Variants in ANAPC10 observed in about 807,000 individuals in gnomAD.
ANAPC10 encodes anaphase-promoting complex subunit 10.
A neutral mutation model predicts 22.0 loss-of-function variants in ANAPC10; 12 were observed. The ratio of observed to expected loss-of-function variants is 0.55; its 90% confidence interval spans 0.35 to 0.88. ANAPC10 has a LOEUF of 0.88. ANAPC10 is among the 40% of genes least tolerant of loss of function. The pLI, the probability that ANAPC10 is intolerant of heterozygous loss-of-function variation, is 0.01. For missense variants in ANAPC10, 188 were observed against 220.9 expected, an observed-to-expected ratio of 0.85 and a Z score of 0.94; for synonymous variants, 65 against 69.5, an observed-to-expected ratio of 0.94 and a Z score of 0.32.
rs2126674766 is a variant in ANAPC10, at chr4:145,095,967, T to C, written c.115+18A>G. The C allele has an allele frequency of 6.2e-7, 1 of 1,614,006 alleles. No homozygotes were observed. The highest frequency in any genetic ancestry group is 2.2e-5 in the East Asian group (1 of 44,884). On this transcript the variant is annotated intron_variant, in intron 2 of 4. Transcript: ENST00000507656. The stretch of plus-strand genomic sequence containing the variant: ...CAAGTGACTATTTCCAACAGCTTTT[T>C]TGTTTGTTAGTTTTTACCTGGTTTG...
At position 145,016,952 on chromosome 4, in the gene ANAPC10, C is replaced by G. The variant is rs1327314039; in HGVS notation, c.328-21349G>C. Among the ~76,000 whole-genome samples, 8 of 152,272 alleles carry G rather than the reference C, an allele frequency of 5.3e-5. No homozygotes were observed. The East Asian group carries it at 1.5e-3, about 29-fold the overall frequency. On this transcript the variant is annotated intron_variant, in intron 4 of 4. Transcript: ENST00000507656. ...GCTGAAACTGGATCCCTTCCTTACA[C>G]CTTACACAAAAATTAATTCAAGATG...
chr4:145,092,602 G>C (rs1747852621), intron 2 of ANAPC10, among the ~76,000 whole-genome samples: 1 of 152,114 alleles, frequency 6.6e-6, no homozygotes, highest in African/African-American at 2.4e-5. Flanking sequence ...CAAAACACAA[G>C]GTGAATTCAC....
intron 4 of ANAPC10, among the ~76,000 whole-genome samples, chr4:144,997,094 G>T (rs1027089428): frequency 6.6e-6 from 1 of 152,192 alleles, no homozygotes; most frequent in Non-Finnish European, 1.5e-5. Flanking sequence ...TATGTGAAAA[G>T]ACCAAATCTA....
At position 144,995,381 on chromosome 4, in the gene ANAPC10, T is replaced by A; in HGVS notation, c.550A>T (p.Ile184Leu). Residue 184 changes from isoleucine to leucine, a missense_variant, in exon 5 of 5, where the codon ATA becomes TTA. Physicochemically the swap from Ile to Leu is conservative, Grantham distance 5. Transcript: ENST00000507656. ...TTCGTCTCATTTTAAAGTCACCTTA[T>A]TGAACGATACATCATGAAATCTATA... is the stretch of plus-strand genomic sequence containing the variant. ...TTIDFMMYRS[I>L]R The A allele has an allele frequency of 1.2e-6, 2 of 1,604,476 alleles. No homozygotes were observed. The highest frequency in any genetic ancestry group is 1.7e-6 in the Non-Finnish European group (2 of 1,173,016).
chr4:145,050,082 T>C (rs544795322), intron 4 of ANAPC10, among the ~76,000 whole-genome samples: 1 of 152,226 alleles, frequency 6.6e-6, no homozygotes, highest in Non-Finnish European at 1.5e-5. Context: ...TCAATTTGCT[T>C]TGCCTAGATC....
intron 4 of ANAPC10, among the ~76,000 whole-genome samples, chr4:145,044,176 T>C (rs984151674): frequency 5.3e-5 from 8 of 152,044 alleles, no homozygotes. Flanking sequence ...TGATGATACA[T>C]GTAAATGAAG....
chr4:145,061,814 C>A (rs894722247), intron 4 of ANAPC10, among the ~76,000 whole-genome samples: 5 of 151,946 alleles, frequency 3.3e-5, no homozygotes, highest in African/African-American at 9.7e-5. Context: ...GTCAATTGGT[C>A]CAAAAATAAG....
At chr4:145,045,395 A>G (rs1740152591) in intron 4 of ANAPC10, among the ~76,000 whole-genome samples, 1 of 152,094 alleles carries the variant, frequency 6.6e-6, no homozygotes, top group Non-Finnish European at 1.5e-5. Flanking sequence ...ATCTGAAACC[A>G]GATCTGTCTA....
At chr4:145,049,651 C>A (rs762616914) in intron 4 of ANAPC10, among the ~76,000 whole-genome samples, 4 of 152,110 alleles carry the variant, frequency 2.6e-5, no homozygotes, top group Non-Finnish European at 4.4e-5. Flanking sequence ...ATGATCATGG[C>A]TCACTGGAAC....
At chr4:145,060,540 A>G (rs1186075586) in intron 4 of ANAPC10, among the ~76,000 whole-genome samples, 1 of 152,068 alleles carries the variant, frequency 6.6e-6, no homozygotes, top group Non-Finnish European at 1.5e-5. Context: ...ATTACAAAAA[A>G]TAAGCATCTC....
intron 4 of ANAPC10, among the ~76,000 whole-genome samples, chr4:144,999,051 C>T (rs1732088769): frequency 6.6e-6 from 1 of 151,924 alleles, no homozygotes; most frequent in Admixed American, 6.6e-5. Context: ...ATACACCCAC[C>T]CAAGACTAAG....
intron 4 of ANAPC10, among the ~76,000 whole-genome samples, chr4:145,043,827 T>C (rs1292627158): frequency 6.6e-6 from 1 of 152,090 alleles, no homozygotes; most frequent in African/African-American, 2.4e-5. Context: ...CTAAAATGTT[T>C]CCAGATAAAA....
chr4:145,094,393 T>G (rs891033820), intron 2 of ANAPC10, among the ~76,000 whole-genome samples: 1 of 152,192 alleles, frequency 6.6e-6, no homozygotes, highest in Non-Finnish European at 1.5e-5. Context: ...TGTTATATAT[T>G]CGATTATAAT....
chr4:145,095,903 T>A, intron 2 of ANAPC10, 82 bp downstream of exon 2: 1 of 1,584,624 alleles, frequency 6.3e-7, no homozygotes, highest in Non-Finnish European at 8.7e-7. Flanking sequence ...CTGGAATGTA[T>A]CCCCTGGGAT....
chr4:145,095,909 G>A, intron 2 of ANAPC10, 76 bp downstream of exon 2: 4 of 1,574,272 alleles, frequency 2.5e-6, no homozygotes, highest in Non-Finnish European at 3.5e-6. Context: ...TGTATCCCCT[G>A]GGATAAGGGG....
chr4:144,999,961 T>C (rs368815187), intron 4 of ANAPC10, among the ~76,000 whole-genome samples: 3 of 152,110 alleles, frequency 2.0e-5, no homozygotes, highest in Non-Finnish European at 1.5e-5. Flanking sequence ...GAAAGGATTC[T>C]CTATTTAATA....
chr4:145,002,613 C>A (rs969263825), intron 4 of ANAPC10, among the ~76,000 whole-genome samples: 1 of 152,100 alleles, frequency 6.6e-6, no homozygotes, highest in African/African-American at 2.4e-5. Flanking sequence ...TACTCATCTG[C>A]ATGACAATTC....
intron 4 of ANAPC10, among the ~76,000 whole-genome samples, chr4:144,997,120 C>T (rs889128585): frequency 6.6e-6 from 1 of 152,152 alleles, no homozygotes; most frequent in African/African-American, 2.4e-5. Context: ...GATTGGTATA[C>T]CTGAAAGTGA....
At chr4:145,080,640 G>A (rs902918102) in intron 3 of ANAPC10, among the ~76,000 whole-genome samples, 4 of 152,200 alleles carry the variant, frequency 2.6e-5, no homozygotes, top group African/African-American at 7.2e-5. Context: ...CAGGTACAGT[G>A]GCTCACGCCT....
Sources: allele counts gnomAD v4.1 joint callset (sites outside exome capture counted in the v4.1 genomes callset), GRCh38; gene constraint gnomAD v4.1.1; transcripts MANE v1.5; gene names NCBI Gene and HGNC (gene_info 2026-07-23, HGNC 2026-07-21).